Variants in DPP9 observed in about 807,000 individuals in gnomAD.
The protein encoded by DPP9 is dipeptidyl peptidase IV-related protein-2.
In DPP9, 50 loss-of-function variants were observed where a neutral mutation model predicts 110.7. That is an observed-to-expected ratio of 0.45 (90% CI 0.36 to 0.57). The LOEUF (loss-of-function observed/expected upper bound fraction) is 0.57. Among genes scored for constraint, DPP9 ranks in the 20% least tolerant of loss-of-function variants. The pLI is 0.00. For synonymous variants in DPP9, 561 were observed against 514.4 expected (o/e 1.09, Z -1.23); for missense variants, 1,022 against 1,217.9 (o/e 0.84, Z 2.39).
intron 4 of DPP9, among the ~76,000 whole-genome samples, chr19:4,707,250 T>A (rs548886279): frequency 7.2e-5 from 11 of 152,318 alleles, no homozygotes; most frequent in African/African-American, 2.6e-4. Flanking sequence ...TGGGTCTTAC[T>A]GCGGAAGGCG....
intron 2 of DPP9, 129 bp downstream of exon 2, chr19:4,722,370 C>G: frequency 1.7e-6 from 1 of 602,386 alleles, no homozygotes; most frequent in Non-Finnish European, 3.0e-6. Context: ...AGCCACTGCC[C>G]TGCGGAGGAC....
At chr19:4,701,498 C>T (rs140814062) in intron 9 of DPP9, among the ~76,000 whole-genome samples, 1 of 152,078 alleles carries the variant, frequency 6.6e-6, no homozygotes, top group Non-Finnish European at 1.5e-5. Context: ...ACAAACACCA[C>T]TGTAGTGTGA....
intron 21 of DPP9, among the ~76,000 whole-genome samples, chr19:4,678,455 A>C (rs968135890): frequency 6.6e-6 from 1 of 152,166 alleles, no homozygotes; most frequent in Non-Finnish European, 1.5e-5. Flanking sequence ...AGCAGCCTTC[A>C]AGGAGGCCGA....
chr19:4,690,857 G>T, intron 14 of DPP9, 21 bp downstream of exon 14: 1 of 1,600,784 alleles, frequency 6.2e-7, no homozygotes, highest in African/African-American at 1.3e-5. Context: ...GCAGGGGAAG[G>T]CTGCAAGGAG....
Position 4,689,684 on chromosome 19 carries a change from C to A in DPP9, c.1635G>T (p.Gln545His). 6.4e-7 allele frequency: 1 copy of A among 1,557,096 alleles called. No homozygotes were observed. Among genetic ancestry groups the A allele is most frequent in the Non-Finnish European group, 8.7e-7 (1 of 1,150,074 alleles). Residue 545 changes from glutamine to histidine, a missense_variant, in exon 15 of 22, where the codon CAG becomes CAT. Physicochemically the swap from Gln to His is conservative, Grantham distance 24. Coordinates refer to ENST00000262960, the MANE Select transcript of DPP9 (RefSeq NM_139159.5). The surrounding 1 kb of genome is among the most constrained non-coding windows in gnomAD (Gnocchi z 7.0). Reference sequence around the variant, plus strand: ...GCTCCAGCGGCGTGTCCTTGGTGCCCTGGAAGTACACCAGCTTGGTCTCCT... The same window carrying A: ...GCTCCAGCGGCGTGTCCTTGGTGCCATGGAAGTACACCAGCTTGGTCTCCT... ...VNEETKLVYF[Q>H]GTKDTPLEHH...
rs368524859 is a variant in DPP9, at chr19:4,685,804, G to A, written c.1886-33C>T. 7.7e-5 allele frequency: 123 copies of A among 1,604,546 alleles called. No individual in the cohort carries two copies. Among genetic ancestry groups the A allele is most frequent in the Non-Finnish European group, 9.3e-5 (110 of 1,176,536 alleles). On this transcript the variant is annotated intron_variant, in intron 16 of 21. Coordinates refer to ENST00000262960, the MANE Select transcript of DPP9 (RefSeq NM_139159.5). The surrounding 1 kb of genome is among the most constrained non-coding windows in gnomAD (Gnocchi z 5.8). ...AGACAGGGCGGCTATCTGGCTGCCC[G>A]GGGAAGCCACATCCAGCTGACACCC...
At chr19:4,713,201 G>A (rs982285262) in intron 4 of DPP9, among the ~76,000 whole-genome samples, 1 of 152,228 alleles carries the variant, frequency 6.6e-6, no homozygotes, top group Non-Finnish European at 1.5e-5. Context: ...CCAAGCGGGA[G>A]AGACGCTGCC....
rs559058851 is a variant in DPP9 at position 4,718,537 on chromosome 19, C to T, written c.56+1314G>A. On this transcript the variant is annotated intron_variant, in intron 3 of 21. Coordinates refer to ENST00000262960, the MANE Select transcript of DPP9 (RefSeq NM_139159.5). This position sits in a 1 kb window ranked among gnomAD's most constrained non-coding sequence, Gnocchi z 4.3. ...CAAGTGCCCCTGCAAGTGGGGGCTG[C>T]CGGGGAAACAGCATGCCACCCTCTG... Among the ~76,000 whole-genome samples the T allele has an allele frequency of 2.0e-5, 3 of 152,324 alleles. No individual in the cohort carries two copies. The highest frequency in any genetic ancestry group is 6.5e-5 in the Admixed American group (1 of 15,302).
chr19:4,695,281 C>T lies in DPP9; in HGVS notation c.1353+97G>A, dbSNP rs933064460. 6.0e-5 allele frequency: 79 copies of T among 1,326,442 alleles called. No homozygotes were observed. The highest frequency in any genetic ancestry group is 4.2e-4 in the Admixed American group (15 of 35,810). The allele number at this position is 1,326,442 out of a possible 1,614,324, so 82.2% of individuals were successfully genotyped here. On this transcript the variant is annotated intron_variant, in intron 12 of 21. Coordinates refer to ENST00000262960, the MANE Select transcript of DPP9 (RefSeq NM_139159.5). This position sits in a 1 kb window ranked among gnomAD's most constrained non-coding sequence, Gnocchi z 4.7. ...CACTTCTCCACACAAGGGCAAACAC[C>T]ACCTGCCATTGGCGCTCAGCCTTCT...
chr19:4,685,157 C>A lies in DPP9; in HGVS notation c.2032-348G>T, dbSNP rs769867373. On this transcript the variant is annotated intron_variant, in intron 17 of 21. Coordinates refer to ENST00000262960, the MANE Select transcript of DPP9 (RefSeq NM_139159.5). The surrounding 1 kb of genome is among the most constrained non-coding windows in gnomAD (Gnocchi z 5.8). ...CGGGGTGCTGAGAAGCCACTCCAGG[C>A]CAGGAGAACTCGCAGTGGTGATGAA... 4 of 550,514 alleles carry A rather than the reference C, an allele frequency of 7.3e-6. No individual in the cohort carries two copies. Among genetic ancestry groups the A allele is most frequent in the South Asian group, 6.1e-5 (4 of 65,402 alleles). 34.1% of individuals were successfully genotyped at this position (550,514 alleles called of 1,614,324 possible). A position where few individuals can be genotyped will look rare whatever the true frequency, so the allele number is the denominator to read the frequency against.
At chr19:4,705,822 C>A in intron 5 of DPP9, 36 bp downstream of exon 5, 1 of 1,607,302 alleles carries the variant, frequency 6.2e-7, no homozygotes, top group Non-Finnish European at 8.5e-7. Flanking sequence ...CACCTCCTCG[C>A]CCACGGTAGG....
chr19:4,685,578 C>G lies in DPP9; in HGVS notation c.2031+48G>C. The G allele has an allele frequency of 6.4e-7, 1 of 1,557,676 alleles. No homozygotes were observed. On this transcript the variant is annotated intron_variant, in intron 17 of 21. Coordinates refer to ENST00000262960, the MANE Select transcript of DPP9 (RefSeq NM_139159.5). The surrounding 1 kb of genome is among the most constrained non-coding windows in gnomAD (Gnocchi z 5.8). ...GGCACTTGAGTGGGGATGGGGAGTCCTCGGGTGGATGGTGGGGTGGGGGCC... is the reference window on the plus strand; with the variant it reads ...GGCACTTGAGTGGGGATGGGGAGTCGTCGGGTGGATGGTGGGGTGGGGGCC...
Position 4,695,477 on chromosome 19 carries a change from G to A in DPP9, c.1254C>T (p.Ser418=), listed in dbSNP as rs373818200. The change falls in exon 12 of 22, where the codon AGC becomes AGT. Residue 418 remains serine, a synonymous_variant. Coordinates refer to ENST00000262960, the MANE Select transcript of DPP9 (RefSeq NM_139159.5). The surrounding 1 kb of genome is among the most constrained non-coding windows in gnomAD (Gnocchi z 4.7). ...VLLPPALFIP[S]TENEEQRLAS... Reference sequence around the variant, plus strand: ...CTAGCCGCTGCTCCTCATTCTCTGTGCTCGGGATGAACAGGGCCGGGGGGA... The same window carrying A: ...CTAGCCGCTGCTCCTCATTCTCTGTACTCGGGATGAACAGGGCCGGGGGGA... 19 of 1,578,972 alleles carry A rather than the reference G, an allele frequency of 1.2e-5. No individual in the cohort carries two copies. The African/African-American group carries it at 2.0e-4, about 17-fold the overall frequency.
At chr19:4,708,647 G>A (rs1433794050) in intron 4 of DPP9, among the ~76,000 whole-genome samples, 1 of 152,184 alleles carries the variant, frequency 6.6e-6, no homozygotes. Flanking sequence ...GACATAGATG[G>A]AGCAGGAGAC....
At chr19:4,705,831 G>A in intron 5 of DPP9, 27 bp downstream of exon 5, 1 of 1,610,478 alleles carries the variant, frequency 6.2e-7, no homozygotes, top group Non-Finnish European at 8.5e-7. Flanking sequence ...GCCCACGGTA[G>A]GGCCCACGCC....
At position 4,698,063 on chromosome 19, in the gene DPP9, C is replaced by T. The variant is rs1015574061; in HGVS notation, c.1075-412G>A. Among the ~76,000 whole-genome samples the T allele has an allele frequency of 9.3e-5, 14 of 150,114 alleles. No individual in the cohort carries two copies. The highest frequency in any genetic ancestry group is 2.2e-4 in the South Asian group (1 of 4,638). On this transcript the variant is annotated intron_variant, in intron 10 of 21. Coordinates refer to ENST00000262960, the MANE Select transcript of DPP9 (RefSeq NM_139159.5). The surrounding 1 kb of genome is among the most constrained non-coding windows in gnomAD (Gnocchi z 4.2). ...CTGTGGTCCTTTGTCATGGCCCAAA[C>T]AAATGACTACACCCAACAGGGGCAG...
In DPP9 at chr19:4,718,216, C is replaced by T. The variant is rs1418661239; in HGVS notation, c.56+1635G>A. Among the ~76,000 whole-genome samples the T allele has an allele frequency of 6.6e-6, 1 of 152,138 alleles. No individual in the cohort carries two copies. The highest frequency in any genetic ancestry group is 1.5e-5 in the Non-Finnish European group (1 of 68,028). ...ATGAGAGGGGTGCAAGCCACCGTGC[C>T]CAGCTCCAAAGCTCTGTGATGTCTG... is the stretch of plus-strand genomic sequence containing the variant. On this transcript the variant is annotated intron_variant, in intron 3 of 21. Transcript: ENST00000262960. The surrounding 1 kb of genome is among the most constrained non-coding windows in gnomAD (Gnocchi z 4.3).
chr19:4,704,164 G>C lies in DPP9; in HGVS notation c.567C>G (p.Phe189Leu). The change falls in exon 6 of 22, where the codon TTC becomes TTG. Residue 189 changes from phenylalanine (F) to leucine (L), a missense_variant. Physicochemically the swap from Phe to Leu is conservative, Grantham distance 22. Around this residue, in one of 3 missense-constraint regions of DPP9, gnomAD observed 810 missense variants for 920.6 expected, o/e 0.88. Coordinates refer to ENST00000262960, the MANE Select transcript of DPP9 (RefSeq NM_139159.5). The surrounding 1 kb of genome is among the most constrained non-coding windows in gnomAD (Gnocchi z 6.0). ...CGTTCTTGCCGCCGTCGCGGCAGTG[G>C]AAGAGGCTGTTGCTGGCCTGGAAGA... The part of the protein sequence containing the change: ...LFLFQASNSL[F>L]HCRDGGKNGF... 1 of 1,614,012 alleles carries C rather than the reference G, an allele frequency of 6.2e-7. No homozygotes were observed.
intron 7 of DPP9, 58 bp downstream of exon 7, chr19:4,703,828 C>T (rs1430682322): frequency 6.5e-7 from 1 of 1,543,700 alleles, no homozygotes; most frequent in African/African-American, 1.4e-5. Flanking sequence ...GCAATGGGGC[C>T]TTTCTGGAAG....
Sources: allele counts gnomAD v4.1 joint callset (sites outside exome capture counted in the v4.1 genomes callset), GRCh38; gene constraint gnomAD v4.1.1; regional missense constraint gnomAD v4.1.1; non-coding constraint Gnocchi (gnomAD v3.1); transcripts MANE v1.5; gene names NCBI Gene and HGNC (gene_info 2026-07-23, HGNC 2026-07-21).